Variants in CEP112 observed in about 807,000 individuals in gnomAD.
CEP112 encodes the protein centrosomal protein of 112 kDa.
CEP112 carries 127 observed loss-of-function variants against 153.0 expected under a neutral mutation model. The ratio of observed to expected loss-of-function variants is 0.83; its 90% CI spans 0.72 to 0.96. The LOEUF (loss-of-function observed/expected upper bound fraction) is 0.96. CEP112 is among the 40% of genes least tolerant of loss of function. The pLI is 0.00. For synonymous variants in CEP112, 358 were observed against 374.4 expected, an observed-to-expected ratio of 0.96 and a Z score of 0.51; for missense variants, 1,089 against 1,101.2, an observed-to-expected ratio of 0.99 and a Z score of 0.16.
intron 21 of CEP112, among the ~76,000 whole-genome samples, chr17:65,829,761 C>CA (rs904905859): frequency 1.3e-5 from 2 of 151,336 alleles, no homozygotes; most frequent in Admixed American, 1.3e-4. Context: ...GTACAGAAAA[C>CA]AAAAAAAGAA....
At chr17:66,043,007 T>C in intron 12 of CEP112, 2 of 730,738 alleles carry the variant, frequency 2.7e-6, no homozygotes, top group Non-Finnish European at 3.3e-6. Flanking sequence ...AGTAGTTCTA[T>C]GAATTATCAT....
chr17:66,178,843 C>T (rs1054006772), intron 2 of CEP112, among the ~76,000 whole-genome samples: 10 of 151,968 alleles, frequency 6.6e-5, no homozygotes, highest in Non-Finnish European at 1.2e-4. Context: ...GTGAAAATTA[C>T]GTAATCACAG....
At chr17:65,637,068 A>C in intron 26 of CEP112, 56 bp downstream of exon 26, 1 of 1,327,324 alleles carries the variant, frequency 7.5e-7, no homozygotes. Context: ...AAGGAGGCTC[A>C]CAGGTGACAC....
intron 12 of CEP112, among the ~76,000 whole-genome samples, chr17:66,047,080 C>T (rs970533983): frequency 5.3e-5 from 8 of 151,928 alleles, no homozygotes; most frequent in Admixed American, 2.0e-4. Context: ...GGCCAACTTT[C>T]GGTTTGTTTT....
chr17:65,848,298 G>T (rs945774556), intron 21 of CEP112, among the ~76,000 whole-genome samples: 17 of 152,074 alleles, frequency 1.1e-4, no homozygotes, highest in African/African-American at 3.9e-4. Context: ...CATTTTCAGC[G>T]CACTGTCCAA....
At chr17:65,966,937 G>T (rs2144845772) in intron 17 of CEP112, among the ~76,000 whole-genome samples, 2 of 152,312 alleles carry the variant, frequency 1.3e-5, no homozygotes, top group Middle Eastern at 6.8e-3. Context: ...ATCAATGCAT[G>T]CAGGGCCACA....
At chr17:65,783,177 G>A (rs1221969754) in intron 21 of CEP112, among the ~76,000 whole-genome samples, 1 of 152,066 alleles carries the variant, frequency 6.6e-6, no homozygotes, top group East Asian at 1.9e-4. Flanking sequence ...GCACCTGAAA[G>A]TTATTTAACA....
chr17:65,928,191 G>A (rs2060998426), intron 18 of CEP112, among the ~76,000 whole-genome samples: 1 of 152,166 alleles, frequency 6.6e-6, no homozygotes, highest in Admixed American at 6.5e-5. Context: ...CAACATCACT[G>A]TCTTTAAGCA....
intron 4 of CEP112, among the ~76,000 whole-genome samples, chr17:66,152,629 A>G (rs769671537): frequency 5.3e-5 from 8 of 152,220 alleles, no homozygotes; most frequent in Non-Finnish European, 1.2e-4. Context: ...AAGATGGTAT[A>G]TCTCAGAGTA....
At chr17:65,664,796 T>A (rs1301855506) in intron 24 of CEP112, among the ~76,000 whole-genome samples, 3 of 152,330 alleles carry the variant, frequency 2.0e-5, no homozygotes, top group Middle Eastern at 3.4e-3. Context: ...CTTGTCTTAG[T>A]CAGCTCAGGC....
In CEP112 at chr17:65,677,651, G is replaced by A. The variant is rs548631662; in HGVS notation, c.2697+11478C>T. On this transcript the variant is annotated intron_variant, in intron 24 of 26. Coordinates refer to ENST00000535342, the MANE Select transcript of CEP112 (RefSeq NM_001199165.4). ...ACTTCGGCTGGGTGTGGTGGTTCACGCCTGTAATCCCAGCACTTTGGGAGG... is the reference window on the plus strand; with the variant it reads ...ACTTCGGCTGGGTGTGGTGGTTCACACCTGTAATCCCAGCACTTTGGGAGG... Among the ~76,000 whole-genome samples, 9 of 152,220 alleles carry A rather than the reference G, an allele frequency of 5.9e-5. No homozygotes were observed. The South Asian group carries it at 1.2e-3, about 21-fold the overall frequency.
intron 20 of CEP112, among the ~76,000 whole-genome samples, chr17:65,880,558 T>A (rs957565281): frequency 3.3e-5 from 5 of 152,236 alleles, no homozygotes; most frequent in African/African-American, 1.2e-4. Flanking sequence ...CTATTTACTA[T>A]CAAAGACCTT....
Position 65,766,846 on chromosome 17 carries a change from A to G in CEP112, c.2395-16122T>C, listed in dbSNP as rs1598512869. ...AAGAGGATATAACAAGTGTAAATAT[A>G]TATTAGACATTAGAGCACACTAGAC... On this transcript the variant is annotated intron_variant, in intron 21 of 26. Coordinates refer to ENST00000535342, the MANE Select transcript of CEP112 (RefSeq NM_001199165.4). 2.7e-5 allele frequency among the ~76,000 whole-genome samples: 4 copies of G among 145,632 alleles called. No individual in the cohort carries two copies. In the South Asian group the frequency reaches 9.2e-4, roughly 33 times the overall value.
In CEP112 at chr17:66,176,893, C is replaced by T. The variant is rs182724164; in HGVS notation, c.234G>A (p.Ala78=). 1.2e-5 allele frequency: 20 copies of T among 1,613,668 alleles called. No homozygotes were observed. In the Admixed American group the frequency reaches 1.5e-4, roughly 12 times the overall value. ...KLLLHMLKRG[A]LEGPFTHRPE... ...GTCGGTGTGTAAAAGGGCCTTCAAG[C>T]GCACCTCGTTTAAGCATATGCAATA... The change falls in exon 3 of 27, where the codon GCG becomes GCA. Residue 78 remains alanine, a synonymous_variant. Coordinates refer to ENST00000535342, the MANE Select transcript of CEP112 (RefSeq NM_001199165.4).
At chr17:66,095,807 C>G (rs1345869638) in intron 8 of CEP112, among the ~76,000 whole-genome samples, 1 of 152,126 alleles carries the variant, frequency 6.6e-6, no homozygotes, top group Non-Finnish European at 1.5e-5. Flanking sequence ...TGTGGTGGCT[C>G]ATGCCTATAA....
intron 21 of CEP112, 39 bp downstream of exon 21, chr17:65,851,765 A>T: frequency 6.9e-7 from 1 of 1,459,790 alleles, no homozygotes; most frequent in African/African-American, 1.4e-5. Context: ...TTAAACATGG[A>T]TTTCAACTGC....
chr17:66,012,090 C>T (rs1432709947), intron 16 of CEP112, among the ~76,000 whole-genome samples: 1 of 152,152 alleles, frequency 6.6e-6, no homozygotes, highest in African/African-American at 2.4e-5. Flanking sequence ...CTCTCCATCT[C>T]TTTACTTTGA....
intron 20 of CEP112, among the ~76,000 whole-genome samples, chr17:65,863,651 C>T (rs1185442095): frequency 5.4e-5 from 8 of 147,866 alleles, no homozygotes; most frequent in African/African-American, 1.8e-4. Context: ...CCCAGCTACT[C>T]GGGAGACCGA....
intron 20 of CEP112, among the ~76,000 whole-genome samples, chr17:65,854,243 A>G (rs186394415): frequency 6.6e-6 from 1 of 152,362 alleles, no homozygotes; most frequent in East Asian, 1.9e-4. Flanking sequence ...ATAAGAATAC[A>G]AAGCTAAATG....
Sources: allele counts gnomAD v4.1 joint callset (sites outside exome capture counted in the v4.1 genomes callset), GRCh38; gene constraint gnomAD v4.1.1; transcripts MANE v1.5; gene names NCBI Gene and HGNC (gene_info 2026-07-23, HGNC 2026-07-21).